CSMD1: variants seen among roughly 807,000 people sequenced by gnomAD.
CSMD1 encodes CUB and sushi domain-containing protein 1.
CSMD1 carries 213 observed loss-of-function variants against 417.5 expected under a neutral mutation model. The ratio of observed to expected loss-of-function variants is 0.51; its 90% CI spans 0.46 to 0.57. CSMD1 has a LOEUF of 0.57. Among genes scored for constraint, CSMD1 ranks in the 20% least tolerant of loss-of-function variants. CSMD1 has a pLI of 0.00. For synonymous variants in CSMD1, 2,862 were observed against 1,736.8 expected (o/e 1.65, Z -16.11); for missense variants, 6,923 against 4,529.7 (o/e 1.53, Z -15.17).
In CSMD1 at chr8:4,892,333, G is replaced by A. The variant is rs73505834; in HGVS notation, c.85+101999C>T. ...CTCAGATGGTTGATACTTAGGTGAC[G>A]AAGCCATCTCCACAGCAAGAAAAAT... On this transcript the variant is annotated intron_variant, in intron 1 of 69. Transcript: ENST00000635120. Among the ~76,000 whole-genome samples the A allele has an allele frequency of 3.6e-3, 548 of 152,134 alleles. 9 individuals are homozygous for A. The highest frequency in any genetic ancestry group is 0.013 in the African/African-American group (523 of 41,440).
At chr8:4,317,605 GA>G (rs1799009490) in intron 3 of CSMD1, among the ~76,000 whole-genome samples, 2 of 176 alleles carry the variant, frequency 0.011, no homozygotes, top group Non-Finnish European at 0.027. Context: ...GGAGAGAGGG[GA>G]GAGAGAGAGA....
intron 1 of CSMD1, among the ~76,000 whole-genome samples, chr8:4,707,743 C>T (rs866213836): frequency 2.6e-5 from 4 of 151,690 alleles, no homozygotes; most frequent in South Asian, 2.1e-4. Flanking sequence ...AAAAATTAGC[C>T]GGGCGTCGTG....
intron 3 of CSMD1, among the ~76,000 whole-genome samples, chr8:4,260,618 A>G (rs142237124): frequency 5.0e-4 from 76 of 152,292 alleles, no homozygotes; most frequent in Non-Finnish European, 8.5e-4. Flanking sequence ...GGTTTTTAGA[A>G]TTTTGATATT....
At chr8:4,124,120 G>T (rs1017903260) in intron 3 of CSMD1, among the ~76,000 whole-genome samples, 2 of 152,102 alleles carry the variant, frequency 1.3e-5, no homozygotes, top group African/African-American at 4.8e-5. Flanking sequence ...ACTATTTTCT[G>T]CAAGAAGTCA....
At chr8:3,192,455 A>T (rs1205494718) in intron 33 of CSMD1, among the ~76,000 whole-genome samples, 1 of 152,176 alleles carries the variant, frequency 6.6e-6, no homozygotes, top group Non-Finnish European at 1.5e-5. Context: ...CACGTGCTTT[A>T]TCCTTGTTAA....
At chr8:4,185,562 A>T (rs985710712) in intron 3 of CSMD1, among the ~76,000 whole-genome samples, 5 of 152,196 alleles carry the variant, frequency 3.3e-5, no homozygotes, top group Non-Finnish European at 4.4e-5. Flanking sequence ...TTTAACACAC[A>T]AATGGATCAA....
At chr8:3,695,769 C>A (rs936379242) in intron 7 of CSMD1, among the ~76,000 whole-genome samples, 4 of 152,190 alleles carry the variant, frequency 2.6e-5, no homozygotes, top group African/African-American at 4.8e-5. Context: ...ATATTCAATA[C>A]ATGATGAACT....
chr8:4,867,334 G>C (rs926228783), intron 1 of CSMD1, among the ~76,000 whole-genome samples: 1 of 152,044 alleles, frequency 6.6e-6, no homozygotes, highest in Non-Finnish European at 1.5e-5. Flanking sequence ...TCATTGAAGA[G>C]CATTCGATTA....
At chr8:3,124,706 G>T (rs995046604) in intron 41 of CSMD1, among the ~76,000 whole-genome samples, 2 of 152,096 alleles carry the variant, frequency 1.3e-5, no homozygotes, top group Non-Finnish European at 2.9e-5. Context: ...TCGTCAAATT[G>T]TTCAGACCAC....
At chr8:4,131,747 C>G (rs1018551539) in intron 3 of CSMD1, among the ~76,000 whole-genome samples, 1 of 135,602 alleles carries the variant, frequency 7.4e-6, no homozygotes, top group Non-Finnish European at 1.6e-5. Flanking sequence ...AATTAGTATA[C>G]AAATGTGACT....
In CSMD1 at chr8:3,916,043, G is replaced by C. The variant is rs938029582; in HGVS notation, c.818+81860C>G. 2.0e-5 allele frequency among the ~76,000 whole-genome samples: 3 copies of C among 151,478 alleles called. No homozygotes were observed. In the East Asian group the frequency reaches 5.9e-4, roughly 30 times the overall value. On this transcript the variant is annotated intron_variant, in intron 5 of 69. Transcript: ENST00000635120. The stretch of plus-strand genomic sequence containing the variant: ...GTCACTGCAGACACAAGACAAATGG[G>C]TAACATAATACTTTGCTTTTCAAAG...
intron 3 of CSMD1, among the ~76,000 whole-genome samples, chr8:4,189,997 G>A (rs747282257): frequency 5.3e-5 from 8 of 151,748 alleles, no homozygotes; most frequent in African/African-American, 1.5e-4. Context: ...GGTGGCTCAC[G>A]CCTGAAATCC....
intron 3 of CSMD1, among the ~76,000 whole-genome samples, chr8:4,097,373 A>G (rs181704883): frequency 6.6e-6 from 1 of 152,362 alleles, no homozygotes; most frequent in East Asian, 1.9e-4. Flanking sequence ...AATGCTTACC[A>G]CACACGGGTG....
intron 30 of CSMD1, among the ~76,000 whole-genome samples, chr8:3,213,582 A>G (rs1428215305): frequency 6.6e-6 from 1 of 152,022 alleles, no homozygotes; most frequent in African/African-American, 2.4e-5. Flanking sequence ...ATTACAAACT[A>G]TTGCTGTTTT....
At chr8:3,704,881 T>A (rs1336604677) in intron 7 of CSMD1, 4 of 152,194 alleles carry the variant, frequency 2.6e-5, no homozygotes, top group African/African-American at 9.7e-5. Context: ...GAGGGGAGGG[T>A]AATAATGAAC....
chr8:4,253,919 T>C (rs1803260062), intron 3 of CSMD1, among the ~76,000 whole-genome samples: 3 of 136,338 alleles, frequency 2.2e-5, no homozygotes, highest in East Asian at 2.1e-4. Context: ...TTTTTTTTTT[T>C]TTTTTTTTTT....
At chr8:3,282,024 G>C (rs940097414) in intron 26 of CSMD1, among the ~76,000 whole-genome samples, 3 of 152,166 alleles carry the variant, frequency 2.0e-5, no homozygotes, top group African/African-American at 7.2e-5. Flanking sequence ...CTTCTGCCAT[G>C]ACTGTAAGTT....
At chr8:3,791,241 A>T (rs1018753573) in intron 5 of CSMD1, among the ~76,000 whole-genome samples, 2 of 152,186 alleles carry the variant, frequency 1.3e-5, no homozygotes, top group African/African-American at 2.4e-5. Context: ...GCTTTTAGAG[A>T]TTCTATAATT....
At chr8:4,875,248 A>T (rs1454653233) in intron 1 of CSMD1, among the ~76,000 whole-genome samples, 3 of 152,058 alleles carry the variant, frequency 2.0e-5, no homozygotes. Flanking sequence ...TATATGAACA[A>T]GCGCTATACC....
Sources: allele counts gnomAD v4.1 joint callset (sites outside exome capture counted in the v4.1 genomes callset), GRCh38; gene constraint gnomAD v4.1.1; transcripts MANE v1.5; gene names NCBI Gene and HGNC (gene_info 2026-07-23, HGNC 2026-07-21).